ZNF333: variants seen among roughly 807,000 people sequenced by gnomAD.
The protein encoded by ZNF333 is zinc finger protein 333.
ZNF333 carries 61 observed loss-of-function variants against 76.1 expected under a neutral mutation model. That is an observed-to-expected ratio of 0.80 (90% CI 0.65 to 0.99). The LOEUF (loss-of-function observed/expected upper bound fraction) is 0.99. ZNF333 is among the 50% of genes least tolerant of loss of function. The pLI is 0.00. For missense variants in ZNF333, 717 were observed against 822.4 expected (o/e 0.87, Z 1.57); for synonymous variants, 284 against 305.0 (o/e 0.93, Z 0.72).
At chr19:14,717,613 T>G in intron 10 of ZNF333, 44 bp from the exon 11 acceptor site, 2 of 1,570,874 alleles carry the variant, frequency 1.3e-6, no homozygotes, top group Non-Finnish European at 1.8e-6. Context: ...TCCCACAGTT[T>G]CTTTCTCTGT....
At chr19:14,692,443 C>G (rs1338180836) in intron 1 of ZNF333, among the ~76,000 whole-genome samples, 1 of 152,152 alleles carries the variant, frequency 6.6e-6, no homozygotes, top group African/African-American at 2.4e-5. Context: ...AAATAAAGTA[C>G]TGAATGGATG....
At chr19:14,704,014 T>TC (rs1461273182) in intron 5 of ZNF333, among the ~76,000 whole-genome samples, 6 of 152,178 alleles carry the variant, frequency 3.9e-5, no homozygotes, top group African/African-American at 1.4e-4. Context: ...AAGCCCAAGA[T>TC]CAAGGTGGCG....
chr19:14,698,921 T>G (rs201789346), intron 4 of ZNF333, among the ~76,000 whole-genome samples: 3 of 81,634 alleles, frequency 3.7e-5, no homozygotes, highest in Non-Finnish European at 5.5e-5. Context: ...TATATATATA[T>G]ATATATATAT....
Position 14,719,665 on chromosome 19 carries a change from A to G in ZNF333, c.*340A>G, listed in dbSNP as rs2042546469. 3.8e-6 allele frequency: 4 copies of G among 1,054,436 alleles called. No individual in the cohort carries two copies. The highest frequency in any genetic ancestry group is 1.7e-5 in the African/African-American group (1 of 59,212). 65.3% of individuals were successfully genotyped at this position (1,054,436 alleles called of 1,614,324 possible). On this transcript the variant is annotated 3_prime_UTR_variant, in exon 12 of 12. Transcript: ENST00000292530. ...TTCTATCTCTCTGGAAGGTTCCTGC[A>G]TGTTATATGGCTATTTCTTAGTTGC... is the stretch of plus-strand genomic sequence containing the variant.
chr19:14,704,688 A>G (rs958344325), intron 5 of ZNF333, among the ~76,000 whole-genome samples: 1 of 152,156 alleles, frequency 6.6e-6, no homozygotes, highest in Non-Finnish European at 1.5e-5. Flanking sequence ...TAACCATCAG[A>G]TCTCGTGAGA....
At chr19:14,702,744 G>A (rs192236503) in intron 5 of ZNF333, among the ~76,000 whole-genome samples, 15 of 152,304 alleles carry the variant, frequency 9.8e-5, no homozygotes, top group Admixed American at 5.9e-4. Flanking sequence ...AGAGATACCC[G>A]AGTTGGGTCA....
At chr19:14,733,674 C>CGA (rs1295985505) in exon 12 of ZNF333, 2 of 152,228 alleles carry the variant, frequency 1.3e-5, no homozygotes, top group African/African-American at 4.8e-5. Context: ...AGAAAAGACT[C>CGA]TAACCTAATT....
chr19:14,708,635 T>C (rs1387115762), intron 7 of ZNF333: 15 of 353,838 alleles, frequency 4.2e-5, no homozygotes, highest in Middle Eastern at 6.9e-4. Flanking sequence ...CTGTGCATTA[T>C]AGGATGCTGA....
In ZNF333 at chr19:14,729,308, A is replaced by G. The variant is rs552631114; in HGVS notation, c.901-1867A>G. Among the ~76,000 whole-genome samples the G allele has an allele frequency of 3.3e-5, 5 of 152,222 alleles. No individual in the cohort carries two copies. In the South Asian group the frequency reaches 8.3e-4, roughly 25 times the overall value. On this transcript the variant is annotated intron_variant, in intron 11 of 11. Coordinates refer to the ZNF333 transcript ENST00000540689. ...GACTGTTGAGCAGCATCCCTGGACT[A>G]TTAACTAAATGCCAGTAGCTTGGGT...
At chr19:14,692,885 C>A (rs888468602) in intron 1 of ZNF333, among the ~76,000 whole-genome samples, 5 of 150,994 alleles carry the variant, frequency 3.3e-5, no homozygotes, top group Non-Finnish European at 7.4e-5. Flanking sequence ...TGCCGTGGCA[C>A]GATCTCAGTT....
rs1423800557 is a variant in ZNF333 at position 14,718,221 on chromosome 19, T to C, written c.901-7T>C. 1.3e-6 allele frequency: 2 copies of C among 1,597,180 alleles called. No individual in the cohort carries two copies. The highest frequency in any genetic ancestry group is 1.7e-6 in the Non-Finnish European group (2 of 1,172,746). Reference sequence around the variant, plus strand: ...CCTTTGGTCTTCACATTTTCCTTCATCGACAGGAGCAACCTCAGCCTGGAG... The same window carrying C: ...CCTTTGGTCTTCACATTTTCCTTCACCGACAGGAGCAACCTCAGCCTGGAG... On this transcript the variant is annotated splice_region_variant and splice_polypyrimidine_tract_variant and intron_variant, in intron 11 of 11. Coordinates refer to ENST00000292530, the MANE Select transcript of ZNF333 (RefSeq NM_032433.4).
At chr19:14,696,961 A>G (rs186641338) in intron 4 of ZNF333, among the ~76,000 whole-genome samples, 1 of 151,334 alleles carries the variant, frequency 6.6e-6, no homozygotes, top group Non-Finnish European at 1.5e-5. Context: ...CTGGTCGAGA[A>G]CTCCTCATCT....
At position 14,719,353 on chromosome 19, in the gene ZNF333, TG is replaced by T. The variant is rs749699615; in HGVS notation, c.*32del. Reference sequence around the variant, plus strand: ...TCCATTTTGTAAAAATATAAACACATGGGGCTATGACTTTCCCTCGTAATAC... The same window carrying T: ...TCCATTTTGTAAAAATATAAACACATGGGCTATGACTTTCCCTCGTAATAC... On this transcript the variant is annotated 3_prime_UTR_variant, in exon 12 of 12. Coordinates refer to ENST00000292530, the MANE Select transcript of ZNF333 (RefSeq NM_032433.4). The T allele has an allele frequency of 6.4e-6, 10 of 1,570,240 alleles. No homozygotes were observed. In the South Asian group the frequency reaches 1.2e-4, roughly 19 times the overall value.
chr19:14,721,063 A>C lies in ZNF333; in HGVS notation c.*1738A>C. On this transcript the variant is annotated 3_prime_UTR_variant, in exon 12 of 12. Coordinates refer to ENST00000292530, the MANE Select transcript of ZNF333 (RefSeq NM_032433.4). ...AGTAAATACTTATTTAGAGTTTACTATTAATAGATAGTAGCCACTGCCTGA... is the reference window on the plus strand; with the variant it reads ...AGTAAATACTTATTTAGAGTTTACTCTTAATAGATAGTAGCCACTGCCTGA... 1.4e-6 allele frequency: 1 copy of C among 730,688 alleles called. No individual in the cohort carries two copies. Among genetic ancestry groups the C allele is most frequent in the Non-Finnish European group, 1.7e-6 (1 of 597,868 alleles). The allele number at this position is 730,688 out of a possible 1,614,324, so 45.3% of individuals were successfully genotyped here.
chr19:14,728,208 G>A (rs760935557), intron 11 of ZNF333, among the ~76,000 whole-genome samples: 31 of 152,094 alleles, frequency 2.0e-4, no homozygotes, highest in Non-Finnish European at 3.1e-4. Context: ...GCGAGACTCC[G>A]TCTCAAAAAA....
Position 14,713,087 on chromosome 19 carries a change from C to T in ZNF333, c.512-2295C>T, listed in dbSNP as rs1244850914. ...ATGAGAATCCCACAACTCTTCATGT[C>T]AGTCATCTACAGCAGGTATGAGGGA... On this transcript the variant is annotated intron_variant, in intron 7 of 11. Transcript: ENST00000292530. 4.3e-4 allele frequency among the ~76,000 whole-genome samples: 65 copies of T among 152,178 alleles called. 1 individual carries two copies. The highest frequency in any genetic ancestry group is 1.3e-4 in the Non-Finnish European group (9 of 68,030).
chr19:14,693,966 T>TA (rs1372075493), intron 2 of ZNF333, among the ~76,000 whole-genome samples: 1 of 105,354 alleles, frequency 9.5e-6, no homozygotes, highest in Non-Finnish European at 1.8e-5. Context: ...AGCTACAGAG[T>TA]AAAACCTTGT....
At position 14,719,741 on chromosome 19, in the gene ZNF333, C is replaced by T. The variant is rs192084944; in HGVS notation, c.*416C>T. The T allele has an allele frequency of 5.7e-5, 57 of 998,896 alleles. No individual in the cohort carries two copies. Among genetic ancestry groups the T allele is most frequent in the Admixed American group, 1.1e-4 (2 of 17,880 alleles). 61.9% of individuals were successfully genotyped at this position (998,896 alleles called of 1,614,324 possible). ...ATTACATGGTGAGAAGAGTATGTGGCCTCTTTGTTACTGAGTCATAGGTAT... is the reference window on the plus strand; with the variant it reads ...ATTACATGGTGAGAAGAGTATGTGGTCTCTTTGTTACTGAGTCATAGGTAT... On this transcript the variant is annotated 3_prime_UTR_variant, in exon 12 of 12. Transcript: ENST00000292530.
intron 5 of ZNF333, among the ~76,000 whole-genome samples, chr19:14,700,642 C>T (rs769194259): frequency 5.3e-5 from 8 of 152,100 alleles, no homozygotes; most frequent in Non-Finnish European, 8.8e-5. Context: ...GAATTTCCTC[C>T]GCCTCAAACA....
Sources: gnomAD v4.1 joint callset for allele counts (sites outside exome capture counted in the v4.1 genomes callset) on GRCh38, gnomAD v4.1.1 for gene constraint, MANE v1.5 for transcripts, NCBI Gene and HGNC (gene_info 2026-07-23, HGNC 2026-07-21) for gene names.